MROH7: variants seen among roughly 807,000 people sequenced by gnomAD.
The protein encoded by MROH7 is maestro heat-like repeat-containing protein family member 7.
In MROH7, 113 loss-of-function variants were observed where a neutral mutation model predicts 129.2. The ratio of observed to expected loss-of-function variants is 0.87; its 90% CI spans 0.75 to 1.02. The LOEUF is 1.02. MROH7 is among the 50% of genes least tolerant of loss of function. The pLI is 0.00. For missense variants in MROH7, 1,601 were observed against 1,671.3 expected, an observed-to-expected ratio of 0.96 and a Z score of 0.73; for synonymous variants, 655 against 667.9, an observed-to-expected ratio of 0.98 and a Z score of 0.30.
At chr1:54,646,147 A>G (rs1345379890) in intron 1 of MROH7, among the ~76,000 whole-genome samples, 1 of 151,938 alleles carries the variant, frequency 6.6e-6, no homozygotes, top group East Asian at 1.9e-4. Flanking sequence ...TTATCACTGG[A>G]GTGGGTGGGG....
rs1644853854 is a variant in MROH7, at chr1:54,668,918, C to A, written c.1370C>A (p.Thr457Asn). Residue 457 changes from threonine to asparagine, a missense_variant, in exon 5 of 24, where the codon ACC becomes AAC. Physicochemically the swap from Thr to Asn is moderately conservative, Grantham distance 65 (BLOSUM62 0). Transcript: ENST00000421030. ...DLLEAEGEKKTMIKKIMRQIQ... is the reference protein window; with the variant it reads ...DLLEAEGEKKNMIKKIMRQIQ... ...CTGGAGGCAGAAGGAGAAAAGAAGA[C>A]CATGATAAAGAAGATTATGGTGGGG... 6.2e-7 allele frequency: 1 copy of A among 1,613,568 alleles called. No homozygotes were observed. Among genetic ancestry groups the A allele is most frequent in the Admixed American group, 1.7e-5 (1 of 60,000 alleles).
chr1:54,683,493 C>T (rs1204279448), intron 14 of MROH7, among the ~76,000 whole-genome samples: 1 of 152,218 alleles, frequency 6.6e-6, no homozygotes, highest in African/African-American at 2.4e-5. Context: ...GTCCATACCC[C>T]TGCCTACCTT....
At chr1:54,668,597 AG>A (rs1308010955) in intron 4 of MROH7, among the ~76,000 whole-genome samples, 3 of 152,100 alleles carry the variant, frequency 2.0e-5, no homozygotes, top group Non-Finnish European at 4.4e-5. Flanking sequence ...TGACTGGAGA[AG>A]GGGGGAGTAC....
Position 54,673,011 on chromosome 1 carries a change from CT to C in MROH7, c.1600-79del, listed in dbSNP as rs1006611746. 13 of 997,662 alleles carry C rather than the reference CT, an allele frequency of 1.3e-5. No homozygotes were observed. In the African/African-American group the frequency reaches 2.1e-4, roughly 16 times the overall value. The allele number at this position is 997,662 out of a possible 1,614,324, so 61.8% of individuals were successfully genotyped here. ...CTGGGTCTTAATTCCCCCTCCTCCCCTGACCTACACCAGGGGCCGCCTGGGG... is the reference window on the plus strand; with the variant it reads ...CTGGGTCTTAATTCCCCCTCCTCCCCGACCTACACCAGGGGCCGCCTGGGG... On this transcript the variant is annotated intron_variant, in intron 7 of 23. Transcript: ENST00000421030.
At chr1:54,686,535 T>C in intron 15 of MROH7, 87 bp downstream of exon 15, 1 of 1,224,292 alleles carries the variant, frequency 8.2e-7, no homozygotes, top group South Asian at 1.4e-5. Context: ...TCAGGGGCAA[T>C]CAATCAATAG....
rs78327655 is a variant in MROH7, at chr1:54,699,703, A to G, written c.2965-618A>G. 737 of 215,820 alleles carry G rather than the reference A, an allele frequency of 3.4e-3. 5 individuals carry two copies. Among genetic ancestry groups the G allele is most frequent in the African/African-American group, 0.016 (713 of 43,918 alleles). The allele number at this position is 215,820 out of a possible 1,614,324, so 13.4% of individuals were successfully genotyped here. ...GCTAACAGGGGCCCATGGAGGAACAACTCGGGTTTTGTCCTCAGGGAAATC... is the reference window on the plus strand; with the variant it reads ...GCTAACAGGGGCCCATGGAGGAACAGCTCGGGTTTTGTCCTCAGGGAAATC... On this transcript the variant is annotated intron_variant, in intron 17 of 23. Transcript: ENST00000421030.
Position 54,653,200 on chromosome 1 carries a change from G to C in MROH7, c.274G>C (p.Ala92Pro), listed in dbSNP as rs1490566770. ...RPDDSRAIAP[A>P]SLQITSSCSG... is the part of the protein sequence containing the mutation. ...TGATGACAGCAGAGCTATCGCTCCA[G>C]CCTCCCTCCAGATCACCAGTTCTTG... Residue 92 changes from alanine (A) to proline (P), a missense_variant, in exon 3 of 24, where the codon GCC (alanine) becomes CCC (proline). By Grantham distance (27) the Ala-to-Pro change is conservative (BLOSUM62 -1). Coordinates refer to ENST00000421030, the MANE Select transcript of MROH7 (RefSeq NM_001039464.4). 6.2e-6 allele frequency: 10 copies of C among 1,614,062 alleles called. No homozygotes were observed. Among genetic ancestry groups the C allele is most frequent in the Non-Finnish European group, 8.5e-6 (10 of 1,180,048 alleles).
At chr1:54,662,799 GT>G (rs1440208433) in intron 3 of MROH7, among the ~76,000 whole-genome samples, 1 of 152,112 alleles carries the variant, frequency 6.6e-6, no homozygotes, top group African/African-American at 2.4e-5. Context: ...CTCATTGTAC[GT>G]TTTTTCTAGT....
At chr1:54,663,441 T>C (rs1294470248) in intron 3 of MROH7, among the ~76,000 whole-genome samples, 1 of 152,122 alleles carries the variant, frequency 6.6e-6, no homozygotes, top group Non-Finnish European at 1.5e-5. Context: ...GGTGCGATCT[T>C]GGCTCACTGA....
At chr1:54,677,647 A>T (rs550283613) in intron 10 of MROH7, among the ~76,000 whole-genome samples, 3 of 152,284 alleles carry the variant, frequency 2.0e-5, no homozygotes, top group African/African-American at 7.2e-5. Flanking sequence ...GTCTATGTGA[A>T]CACTCTGCCT....
rs766535483 is a variant in MROH7, at chr1:54,670,804, A to T, written c.1474A>T (p.Thr492Ser). 33 of 1,613,358 alleles carry T rather than the reference A, an allele frequency of 2.0e-5. No homozygotes were observed. The highest frequency in any genetic ancestry group is 2.5e-5 in the Non-Finnish European group (30 of 1,179,868). The change falls in exon 7 of 24, where the codon ACC (threonine) becomes TCC (serine). Residue 492 changes from threonine (T) to serine (S), a missense_variant. By Grantham distance (58) the Thr-to-Ser change is moderately conservative (BLOSUM62 1). Coordinates refer to ENST00000421030, the MANE Select transcript of MROH7 (RefSeq NM_001039464.4). ...TGCTTTCTGCCTCTTCTCCAGCCAC[A>T]CCCAGCCCACCCTGGGCATGCGGGA... ...AMEILTQLSH[T>S]QPTLGMRERS... is the part of the protein sequence containing the mutation.
Position 54,709,056 on chromosome 1 carries a change from G to A in MROH7, c.3710G>A (p.Arg1237His), listed in dbSNP as rs200631122. 2.6e-4 allele frequency: 419 copies of A among 1,614,074 alleles called. 3 individuals carry two copies. Among genetic ancestry groups the A allele is most frequent in the East Asian group, 3.3e-4 (15 of 44,896 alleles). Residue 1237 changes from arginine to histidine, a missense_variant, in exon 23 of 24, where the codon CGT becomes CAT. Transcript: ENST00000421030. ...PCMESIMTED[R>H]LNEVKAALDN... Reference sequence around the variant, plus strand: ...ATGGAGAGCATAATGACAGAAGATCGTCTGAATGAAGTGAAAGCTGGTAAG... The same window carrying A: ...ATGGAGAGCATAATGACAGAAGATCATCTGAATGAAGTGAAAGCTGGTAAG...
At chr1:54,648,434 C>T (rs1229740593) in intron 1 of MROH7, among the ~76,000 whole-genome samples, 5 of 151,858 alleles carry the variant, frequency 3.3e-5, no homozygotes, top group South Asian at 2.1e-4. Flanking sequence ...GGCGCAATCT[C>T]GGCTCACTGC....
In MROH7 at chr1:54,653,878, A is replaced by T; in HGVS notation, c.952A>T (p.Asn318Tyr). The change falls in exon 3 of 24, where the codon AAC (asparagine) becomes TAC (tyrosine). Residue 318 changes from asparagine to tyrosine, a missense_variant. Transcript: ENST00000421030. Reference protein sequence around the residue: ...ISLHSSTHEPNSTISPPSCMT... With the variant: ...ISLHSSTHEPYSTISPPSCMT... Reference sequence around the variant, plus strand: ...CCTGCACTCCAGCACCCATGAGCCCAACTCCACCATCTCTCCACCCTCATG... The same window carrying T: ...CCTGCACTCCAGCACCCATGAGCCCTACTCCACCATCTCTCCACCCTCATG... The T allele has an allele frequency of 6.2e-7, 1 of 1,613,980 alleles. No homozygotes were observed. The highest frequency in any genetic ancestry group is 8.5e-7 in the Non-Finnish European group (1 of 1,179,940).
chr1:54,692,214 G>A lies in MROH7; in HGVS notation c.2712-210G>A, dbSNP rs150515310. ...AGAGGTAAAAGCACAGCCTTCATAG[G>A]GAGGTGGACTTTGCTTCTGTTTCCT... On this transcript the variant is annotated intron_variant, in intron 15 of 23. Transcript: ENST00000421030. Among the ~76,000 whole-genome samples, 213 of 152,330 alleles carry A rather than the reference G, an allele frequency of 1.4e-3. 1 individual carries two copies. Among genetic ancestry groups the A allele is most frequent in the African/African-American group, 4.9e-3 (204 of 41,574 alleles).
chr1:54,672,339 G>A (rs1463844857), intron 7 of MROH7, among the ~76,000 whole-genome samples: 1 of 152,040 alleles, frequency 6.6e-6, no homozygotes, highest in Non-Finnish European at 1.5e-5. Context: ...GACTCAGGGA[G>A]TCTAGACAAT....
At chr1:54,676,673 G>A (rs1022346750) in intron 10 of MROH7, among the ~76,000 whole-genome samples, 2 of 150,892 alleles carry the variant, frequency 1.3e-5, no homozygotes, top group East Asian at 2.0e-4. Flanking sequence ...GGGATTACAG[G>A]TGTGAGCCAC....
At chr1:54,651,650 C>T (rs1644557181) in intron 1 of MROH7, 1 of 152,246 alleles carries the variant, frequency 6.6e-6, no homozygotes, top group Non-Finnish European at 1.5e-5. Flanking sequence ...GGACTCTATC[C>T]TAAAGATAAC....
chr1:54,644,727 C>T (rs1023966225), intron 1 of MROH7, among the ~76,000 whole-genome samples: 1 of 150,400 alleles, frequency 6.6e-6, no homozygotes. Context: ...GTCTAGAGCT[C>T]CTGGGCTCAA....
Sources: allele counts gnomAD v4.1 joint callset (sites outside exome capture counted in the v4.1 genomes callset), GRCh38; gene constraint gnomAD v4.1.1; transcripts MANE v1.5; gene names NCBI Gene and HGNC (gene_info 2026-07-23, HGNC 2026-07-21).